TM7SF3: variants seen among roughly 807,000 people sequenced by gnomAD.
TM7SF3 encodes the protein transmembrane 7 superfamily member 3, also known as seven span transmembrane protein.
TM7SF3 carries 60 observed loss-of-function variants against 65.5 expected under a neutral mutation model. That is an observed-to-expected ratio of 0.92 (90% confidence interval 0.74 to 1.14). TM7SF3 has a LOEUF of 1.14. TM7SF3 is among the 50% of genes most tolerant of loss of function. TM7SF3 has a pLI of 0.00. For synonymous variants in TM7SF3, 264 were observed against 259.6 expected (o/e 1.02, Z -0.16); for missense variants, 623 against 684.8 (o/e 0.91, Z 1.01).
At chr12:27,013,755 C>G (rs527636615) in intron 1 of TM7SF3, among the ~76,000 whole-genome samples, 3 of 152,290 alleles carry the variant, frequency 2.0e-5, no homozygotes, top group Admixed American at 2.0e-4. Context: ...CACTGGGCAG[C>G]AAAGAGGCGC....
In TM7SF3 at chr12:26,973,556, A is replaced by G. The variant is rs1939445222; in HGVS notation, c.*409T>C. 6.3e-6 allele frequency: 1 copy of G among 159,372 alleles called. No homozygotes were observed. The highest frequency in any genetic ancestry group is 2.4e-5 in the African/African-American group (1 of 41,582). The allele number at this position is 159,372 out of a possible 1,614,324, so 9.9% of individuals were successfully genotyped here. A position where few individuals can be genotyped will look rare whatever the true frequency, so the allele number is the denominator to read the frequency against. On this transcript the variant is annotated 3_prime_UTR_variant, in exon 12 of 12. Transcript: ENST00000343028. ...AAATACTGTCACAGATAAAGACTCA[A>G]TAATAAACTCCCTCCGAAAGTTTAG...
Position 26,996,694 on chromosome 12 carries a change from G to A in TM7SF3, c.518+48C>T, listed in dbSNP as rs557438227. On this transcript the variant is annotated intron_variant, in intron 4 of 11. Transcript: ENST00000343028. ...AGCTGGTCAAATCTACACAACTGTC[G>A]TCATGTATATTCTAAAAGCATTTCT... 91 of 1,570,996 alleles carry A rather than the reference G, an allele frequency of 5.8e-5. No homozygotes were observed. In the East Asian group the frequency reaches 1.6e-3, roughly 28 times the overall value.
At chr12:26,993,193 A>T (rs1940451567) in intron 5 of TM7SF3, among the ~76,000 whole-genome samples, 1 of 152,082 alleles carries the variant, frequency 6.6e-6, no homozygotes, top group Non-Finnish European at 1.5e-5. Context: ...GGTGTGTGCC[A>T]CTGTTCCTGG....
intron 6 of TM7SF3, among the ~76,000 whole-genome samples, chr12:26,983,219 G>A (rs1175766704): frequency 6.7e-6 from 1 of 149,468 alleles, no homozygotes; most frequent in Non-Finnish European, 1.5e-5. Context: ...TGGACAAAAG[G>A]TGGCAGGGAG....
chr12:26,999,539 G>C lies in TM7SF3; in HGVS notation c.384C>G (p.Ser128=). ...QPVQNMAILL[S]YSERDPVPGG... ...CAGAAGGGTTACCTCTTTCTGAGTAGGAGAGTAGGATAGCCATATTCTGGA... is the reference window on the plus strand; with the variant it reads ...CAGAAGGGTTACCTCTTTCTGAGTACGAGAGTAGGATAGCCATATTCTGGA... Residue 128 remains serine, a synonymous_variant, in exon 3 of 12, where the codon TCC becomes TCG. Transcript: ENST00000343028. 6.2e-7 allele frequency: 1 copy of C among 1,614,132 alleles called. No homozygotes were observed. Among genetic ancestry groups the C allele is most frequent in the African/African-American group, 1.3e-5 (1 of 75,052 alleles).
intron 5 of TM7SF3, among the ~76,000 whole-genome samples, 155 bp downstream of exon 5, chr12:26,995,082 C>G (rs1396616638): frequency 6.6e-6 from 1 of 152,158 alleles, no homozygotes; most frequent in Non-Finnish European, 1.5e-5. Context: ...ATATCACCAG[C>G]AAAGACTCCC....
Position 26,972,728 on chromosome 12 carries a change from G to GT in TM7SF3, c.*1236dup, listed in dbSNP as rs1283412815. On this transcript the variant is annotated 3_prime_UTR_variant, in exon 12 of 12. Transcript: ENST00000343028. ...ACCTCCCAAAATGCTGGGATTACAG[G>GT]TTTGAGCCACCGCACCTGGTCGGCA... Among the ~76,000 whole-genome samples, 1 of 151,990 alleles carries GT rather than the reference G, an allele frequency of 6.6e-6. No homozygotes were observed. The highest frequency in any genetic ancestry group is 1.5e-5 in the Non-Finnish European group (1 of 68,002).
At chr12:26,979,698 GCAA>G in intron 9 of TM7SF3, 83 bp downstream of exon 9, 1 of 1,458,644 alleles carries the variant, frequency 6.9e-7, no homozygotes, top group Non-Finnish European at 9.4e-7. Context: ...GCACTGACAT[GCAA>G]CACCACTCCA....
intron 5 of TM7SF3, among the ~76,000 whole-genome samples, chr12:26,991,799 C>T (rs1565877699): frequency 1.3e-5 from 2 of 152,140 alleles, no homozygotes; most frequent in Non-Finnish European, 2.9e-5. Context: ...TTTACATTTG[C>T]TTCTCTATCA....
rs1035599642 is a variant in TM7SF3 at position 27,014,218 on chromosome 12, G to C, written c.-50C>G. On this transcript the variant is annotated 5_prime_UTR_variant, in exon 1 of 12. Transcript: ENST00000343028. ...ACGCCAGGGCTGGGGAGAGGTGCGGGCGTGCGCGCCGGGGCCCCGCAGCCT... is the reference window on the plus strand; with the variant it reads ...ACGCCAGGGCTGGGGAGAGGTGCGGCCGTGCGCGCCGGGGCCCCGCAGCCT... 145 of 1,529,050 alleles carry C rather than the reference G, an allele frequency of 9.5e-5. No homozygotes were observed. The highest frequency in any genetic ancestry group is 1.2e-4 in the Admixed American group (6 of 49,292). The allele number at this position is 1,529,050 out of a possible 1,614,324, so 94.7% of individuals were successfully genotyped here.
chr12:26,985,645 A>G (rs1940028761), intron 6 of TM7SF3, among the ~76,000 whole-genome samples: 3 of 48,292 alleles, frequency 6.2e-5, no homozygotes, highest in Non-Finnish European at 1.2e-4. Flanking sequence ...AAAAAAAAAA[A>G]AAAAAAAATA....
At chr12:26,994,503 T>G (rs1298113710) in intron 5 of TM7SF3, among the ~76,000 whole-genome samples, 1 of 152,188 alleles carries the variant, frequency 6.6e-6, no homozygotes, top group East Asian at 1.9e-4. Context: ...TCTACCAACA[T>G]GCCTGGCTAA....
intron 1 of TM7SF3, among the ~76,000 whole-genome samples, chr12:27,005,632 C>G (rs1391315409): frequency 6.6e-6 from 1 of 152,064 alleles, no homozygotes; most frequent in Non-Finnish European, 1.5e-5. Flanking sequence ...ACCTATCACC[C>G]AGGATGAGGA....
chr12:26,999,591 T>A lies in TM7SF3; in HGVS notation c.332A>T (p.Tyr111Phe). 3.1e-6 allele frequency: 5 copies of A among 1,614,126 alleles called. No homozygotes were observed. The highest frequency in any genetic ancestry group is 3.4e-6 in the Non-Finnish European group (4 of 1,179,990). ...AGGCTGTATGCCTGAAGTCCCCAAG[T>A]ACCAAGTGCATGTACTCTGCTCTGG... ...LRPEQSTCTW[Y>F]LGTSGIQPVQ... Residue 111 changes from tyrosine to phenylalanine, a missense_variant, in exon 3 of 12, where the codon TAC becomes TTC. Tyr to Phe is a conservative substitution (Grantham distance 22). Coordinates refer to ENST00000343028, the MANE Select transcript of TM7SF3 (RefSeq NM_016551.3).
At position 26,975,791 on chromosome 12, in the gene TM7SF3, C is replaced by A. The variant is rs116031947; in HGVS notation, c.1288-133G>T. ...GAAAAAGGACCAGACCCACTCAGAG[C>A]TGAACAGAAGTTCCCTGGAAAGATA... On this transcript the variant is annotated intron_variant, in intron 10 of 11. Transcript: ENST00000343028. 657 of 934,428 alleles carry A rather than the reference C, an allele frequency of 7.0e-4. 6 individuals are homozygous for A. The African/African-American group carries it at 0.01, about 15-fold the overall frequency. 57.9% of individuals were successfully genotyped at this position (934,428 alleles called of 1,614,324 possible). A position where few individuals can be genotyped will look rare whatever the true frequency, so the allele number is the denominator to read the frequency against.
chr12:26,991,941 A>AG (rs1940386287), intron 5 of TM7SF3, among the ~76,000 whole-genome samples: 1 of 152,124 alleles, frequency 6.6e-6, no homozygotes, highest in South Asian at 2.1e-4. Context: ...TGTGAATCGC[A>AG]GGGGGCAGTC....
At chr12:26,982,699 C>T in intron 7 of TM7SF3, 74 bp downstream of exon 7, 3 of 1,011,058 alleles carry the variant, frequency 3.0e-6, no homozygotes, top group Non-Finnish European at 1.4e-6. Flanking sequence ...AGTGCTTACT[C>T]TCCTCACAGG....
At chr12:27,007,992 G>T (rs548974018) in intron 1 of TM7SF3, among the ~76,000 whole-genome samples, 4 of 151,898 alleles carry the variant, frequency 2.6e-5, no homozygotes, top group South Asian at 2.1e-4. Flanking sequence ...TGTATTTCTG[G>T]TTTAGAGTTA....
In TM7SF3 at chr12:26,976,360, G is replaced by A; in HGVS notation, c.1190-3C>T. ...ATCATGAAAAATCTTTAGGTTTCCT[G>A]AAAAAGCAAAAAGAAACTAAGAGTA... On this transcript the variant is annotated splice_polypyrimidine_tract_variant and splice_region_variant and intron_variant, in intron 9 of 11. Coordinates refer to ENST00000343028, the MANE Select transcript of TM7SF3 (RefSeq NM_016551.3). 4 of 1,608,652 alleles carry A rather than the reference G, an allele frequency of 2.5e-6. No individual in the cohort carries two copies. Among genetic ancestry groups the A allele is most frequent in the Non-Finnish European group, 3.4e-6 (4 of 1,176,038 alleles).
Sources: gnomAD v4.1 joint callset for allele counts (sites outside exome capture counted in the v4.1 genomes callset) on GRCh38, gnomAD v4.1.1 for gene constraint, MANE v1.5 for transcripts, NCBI Gene and HGNC (gene_info 2026-07-23, HGNC 2026-07-21) for gene names.